Variants in PMPCA observed in about 807,000 individuals in gnomAD.
PMPCA encodes mitochondrial-processing peptidase subunit alpha.
In PMPCA, 47 loss-of-function variants were observed where a neutral mutation model predicts 59.3. The ratio of observed to expected loss-of-function variants is 0.79; its 90% CI spans 0.63 to 1.01. PMPCA has a LOEUF of 1.01. PMPCA is among the 50% of genes least tolerant of loss of function. The pLI is 0.00. For synonymous variants in PMPCA, 338 were observed against 290.3 expected (o/e 1.16, Z -1.67); for missense variants, 726 against 704.5 (o/e 1.03, Z -0.34).
At chr9:136,419,402 G>A in intron 11 of PMPCA, 2 of 525,088 alleles carry the variant, frequency 3.8e-6, no homozygotes, top group South Asian at 4.2e-5. Context: ...GTGAGTCGTG[G>A]GACTGACCAT....
chr9:136,412,496 T>A lies in PMPCA; in HGVS notation c.281T>A (p.Ile94Asn). 1 of 1,535,842 alleles carries A rather than the reference T, an allele frequency of 6.5e-7. No homozygotes were observed. Residue 94 changes from isoleucine to asparagine, a missense_variant, in exon 3 of 13, where the codon ATC (isoleucine) becomes AAC (asparagine). Coordinates refer to ENST00000371717, the MANE Select transcript of PMPCA (RefSeq NM_015160.3). ...ATTTTCTTTTTACTACTAGTTCTTA[T>A]CAATTCAGGATCGAGATATGAAGCG... The part of the protein sequence containing the change: ...FGQFCTVGIL[I>N]NSGSRYEAKY...
At chr9:136,416,846 C>A (rs1015497017) in intron 6 of PMPCA, 105 bp from the exon 7 acceptor site, 19 of 1,059,734 alleles carry the variant, frequency 1.8e-5, no homozygotes, top group Non-Finnish European at 2.3e-5. Flanking sequence ...CAGCTTGCGT[C>A]GGATTTTCCC....
intron 5 of PMPCA, among the ~76,000 whole-genome samples, chr9:136,415,243 C>T (rs1245329464): frequency 6.6e-6 from 1 of 151,826 alleles, no homozygotes; most frequent in Non-Finnish European, 1.5e-5. Context: ...CTGTTCTCCA[C>T]AAAAAGGAAA....
At chr9:136,412,464 C>T (rs755297349) in intron 2 of PMPCA, 26 bp from the exon 3 acceptor site, 12 of 1,078,480 alleles carry the variant, frequency 1.1e-5, no homozygotes, top group Non-Finnish European at 1.6e-5. Context: ...TCTGATGTAA[C>T]CTGTCAATTT....
chr9:136,413,077 T>C, intron 4 of PMPCA, 185 bp downstream of exon 4: 1 of 545,904 alleles, frequency 1.8e-6, no homozygotes, highest in Non-Finnish European at 3.2e-6. Context: ...CCCCAGGAGC[T>C]CAGTTGACCC....
intron 11 of PMPCA, among the ~76,000 whole-genome samples, chr9:136,421,128 G>C (rs1329102243): frequency 6.6e-6 from 1 of 152,204 alleles, no homozygotes; most frequent in Admixed American, 6.5e-5. Flanking sequence ...AGCTGCCTGG[G>C]CCCTGCGCCG....
At chr9:136,422,451 A>T in intron 12 of PMPCA, 2 of 1,079,408 alleles carry the variant, frequency 1.9e-6, no homozygotes, top group African/African-American at 1.7e-5. Flanking sequence ...TTGTATGTGC[A>T]TCGGACTCTT....
chr9:136,412,431 T>C, intron 2 of PMPCA, 59 bp from the exon 3 acceptor site: 1 of 895,842 alleles, frequency 1.1e-6, no homozygotes, highest in Non-Finnish European at 1.8e-6. Flanking sequence ...AATGTTTCTC[T>C]TGATTAAATC....
rs185782552 is a variant in PMPCA at position 136,410,967 on chromosome 9, C to T, written c.71+228C>T. 1.8e-3 allele frequency among the ~76,000 whole-genome samples: 275 copies of T among 152,378 alleles called. 1 individual carries two copies. The highest frequency in any genetic ancestry group is 5.4e-3 in the African/African-American group (226 of 41,602). ...CCCCGGCTGCTGGGTCCTCTCCCCC[C>T]CTCACTTCCCGGGTCGACGGGCCTT... On this transcript the variant is annotated intron_variant, in intron 1 of 12. Coordinates refer to ENST00000371717, the MANE Select transcript of PMPCA (RefSeq NM_015160.3).
chr9:136,414,947 C>T (rs1480403599), intron 5 of PMPCA, among the ~76,000 whole-genome samples: 1 of 151,904 alleles, frequency 6.6e-6, no homozygotes, highest in Admixed American at 6.6e-5. Context: ...AATTAGCTGG[C>T]TGTGGTTGCT....
intron 4 of PMPCA, among the ~76,000 whole-genome samples, 164 bp from the exon 5 acceptor site, chr9:136,414,389 A>G (rs1835215659): frequency 6.6e-6 from 1 of 151,816 alleles, no homozygotes; most frequent in Admixed American, 6.6e-5. Flanking sequence ...AACAAAAGGT[A>G]GGTGCCCCTG....
intron 7 of PMPCA, among the ~76,000 whole-genome samples, chr9:136,417,725 A>G (rs1835321644): frequency 6.6e-6 from 1 of 151,884 alleles, no homozygotes; most frequent in Non-Finnish European, 1.5e-5. Flanking sequence ...AAATGCTGGG[A>G]TTACAGGCGT....
intron 1 of PMPCA, 87 bp from the exon 2 acceptor site, chr9:136,411,910 G>A: frequency 1.3e-6 from 1 of 786,976 alleles, no homozygotes; most frequent in Non-Finnish European, 2.2e-6. Context: ...TTTTAACCCA[G>A]ACAAAACATA....
intron 12 of PMPCA, chr9:136,422,337 A>C: frequency 1.7e-6 from 2 of 1,179,942 alleles, no homozygotes; most frequent in Non-Finnish European, 2.1e-6. Context: ...GTGGCTCGGA[A>C]TGCCGCTGTA....
chr9:136,412,744 A>T lies in PMPCA; in HGVS notation c.355-66A>T, dbSNP rs932330031. On this transcript the variant is annotated intron_variant, in intron 3 of 12. Transcript: ENST00000371717. ...GTGTTAAAAGCAAAAGTAGATTTTAAAAAAAAATTGTGTTTCAGGGATAGC... is the reference window on the plus strand; with the variant it reads ...GTGTTAAAAGCAAAAGTAGATTTTATAAAAAAATTGTGTTTCAGGGATAGC... The T allele has an allele frequency of 4.9e-6, 5 of 1,029,204 alleles. No homozygotes were observed. In the African/African-American group the frequency reaches 9.0e-5, roughly 19 times the overall value. 63.8% of individuals were successfully genotyped at this position (1,029,204 alleles called of 1,614,324 possible).
chr9:136,412,467 G>A (rs752945894), intron 2 of PMPCA, 23 bp from the exon 3 acceptor site: 3 of 1,143,924 alleles, frequency 2.6e-6, no homozygotes, highest in East Asian at 2.3e-5. Context: ...GATGTAACCT[G>A]TCAATTTTCT....
intron 12 of PMPCA, 25 bp from the exon 13 acceptor site, chr9:136,423,070 G>T: frequency 6.2e-7 from 1 of 1,600,538 alleles, no homozygotes; most frequent in South Asian, 1.1e-5. Flanking sequence ...GCGCTCGTGT[G>T]ACACGCGTTT....
At chr9:136,422,096 G>T (rs1835471553) in intron 12 of PMPCA, 120 bp downstream of exon 12, 1 of 1,546,304 alleles carries the variant, frequency 6.5e-7, no homozygotes, top group Non-Finnish European at 8.7e-7. Flanking sequence ...CCAGAATCTG[G>T]GGCCTTCACC....
rs73566917 is a variant in PMPCA, at chr9:136,419,592, G to T, written c.1263+486G>T. 113 of 192,546 alleles carry T rather than the reference G, an allele frequency of 5.9e-4. 1 individual carries two copies. Among genetic ancestry groups the T allele is most frequent in the African/African-American group, 2.2e-3 (92 of 42,644 alleles). The allele number at this position is 192,546 out of a possible 1,614,324, so 11.9% of individuals were successfully genotyped here. On this transcript the variant is annotated intron_variant, in intron 11 of 12. Coordinates refer to ENST00000371717, the MANE Select transcript of PMPCA (RefSeq NM_015160.3). ...TGTATTTGTTTACCAATTTTTTTTT[G>T]TTCTTTTTAAGATGGAGTCTCACTG... is the stretch of plus-strand genomic sequence containing the variant.
Sources: gnomAD v4.1 joint callset for allele counts (sites outside exome capture counted in the v4.1 genomes callset) on GRCh38, gnomAD v4.1.1 for gene constraint, MANE v1.5 for transcripts, NCBI Gene and HGNC (gene_info 2026-07-23, HGNC 2026-07-21) for gene names.